The following CHD9 variants were observed in gnomAD, a reference collection of about 807,000 sequenced individuals.
CHD9 encodes chromodomain helicase DNA binding protein 9.
Under a neutral mutation model 316.1 loss-of-function variants are expected in CHD9, and 77 were observed. The observed-to-expected ratio is 0.24, with a 90% CI of 0.20 to 0.29. CHD9 has a LOEUF of 0.29. CHD9 is among the 10% of genes least tolerant of loss of function. The probability of loss-of-function intolerance (pLI) is 1.00; values close to 1 mark genes in which losing one functional copy is unlikely to be tolerated. For missense variants in CHD9, 2,763 were observed against 3,438.1 expected, an observed-to-expected ratio of 0.80 and a Z score of 4.91; for synonymous variants, 1,129 against 1,158.3, an observed-to-expected ratio of 0.97 and a Z score of 0.51.
intron 22 of CHD9, among the ~76,000 whole-genome samples, chr16:53,270,948 A>G (rs2052198126): frequency 6.6e-6 from 1 of 152,068 alleles, no homozygotes; most frequent in Non-Finnish European, 1.5e-5. Flanking sequence ...CTGACTCAAA[A>G]TTTTTTCTCT....
chr16:53,151,524 G>C (rs1242614719), intron 1 of CHD9, among the ~76,000 whole-genome samples: 3 of 151,966 alleles, frequency 2.0e-5, no homozygotes, highest in Admixed American at 6.6e-5. Context: ...CCAGAGTGCT[G>C]GGATTACAGG....
rs753998360 is a variant in CHD9 at position 53,157,358 on chromosome 16, C to T, written c.1269C>T (p.Phe423=). 5.6e-6 allele frequency: 9 copies of T among 1,613,894 alleles called. No homozygotes were observed. In the South Asian group the frequency reaches 6.6e-5, roughly 12 times the overall value. Residue 423 remains phenylalanine, a synonymous_variant, in exon 2 of 39, where the codon TTC becomes TTT. Transcript: ENST00000447540. ...TTCCTCACTTTGATGAGTCAACATT[C>T]GGACAAGATAATTCAAGTCACATTT... ...GLLPHFDEST[F]GQDNSSHILD... is the part of the protein sequence containing the mutation.
At chr16:53,172,023 C>T (rs1462807417) in intron 2 of CHD9, among the ~76,000 whole-genome samples, 1 of 151,920 alleles carries the variant, frequency 6.6e-6, no homozygotes, top group East Asian at 1.9e-4. Context: ...ATCAAATTTT[C>T]AGCTTTATGG....
At chr16:53,289,544 A>G (rs1338567363) in intron 27 of CHD9, among the ~76,000 whole-genome samples, 1 of 152,246 alleles carries the variant, frequency 6.6e-6, no homozygotes, top group African/African-American at 2.4e-5. Flanking sequence ...ATTATCCAGT[A>G]TAGCATAATG....
intron 37 of CHD9, among the ~76,000 whole-genome samples, chr16:53,318,792 A>G (rs2057067167): frequency 6.6e-6 from 1 of 152,186 alleles, no homozygotes; most frequent in African/African-American, 2.4e-5. Flanking sequence ...ACCAATTCAC[A>G]ATGTCTGTAC....
intron 2 of CHD9, among the ~76,000 whole-genome samples, chr16:53,180,711 C>T (rs972265680): frequency 3.3e-5 from 5 of 151,832 alleles, no homozygotes; most frequent in African/African-American, 7.3e-5. Context: ...CTCGCTCTGT[C>T]GCCCAGGCTG....
intron 22 of CHD9, among the ~76,000 whole-genome samples, chr16:53,271,211 A>G (rs1362166608): frequency 6.6e-6 from 1 of 152,140 alleles, no homozygotes; most frequent in African/African-American, 2.4e-5. Context: ...ACACTTAAAT[A>G]AGAGCAAAAA....
intron 17 of CHD9, 64 bp from the exon 18 acceptor site, chr16:53,254,374 A>G (rs890566141): frequency 1.6e-6 from 2 of 1,226,520 alleles, no homozygotes; most frequent in Admixed American, 4.5e-5. Context: ...TATGCCATAC[A>G]TATAGTTTAC....
chr16:53,280,881 G>A (rs1170423680), intron 24 of CHD9, among the ~76,000 whole-genome samples: 1 of 152,036 alleles, frequency 6.6e-6, no homozygotes, highest in Non-Finnish European at 1.5e-5. Context: ...ATGACCTACA[G>A]TGTGATCAAC....
intron 1 of CHD9, among the ~76,000 whole-genome samples, chr16:53,060,770 A>T (rs1353455804): frequency 6.6e-6 from 1 of 151,428 alleles, no homozygotes; most frequent in African/African-American, 2.4e-5. Context: ...AACAAACGAA[A>T]ATTAGCTGGG....
Position 53,307,951 on chromosome 16 carries a change from G to C in CHD9, c.7051G>C (p.Asp2351His), listed in dbSNP as rs888405343. The C allele has an allele frequency of 6.3e-7, 1 of 1,596,104 alleles. No individual in the cohort carries two copies. The highest frequency in any genetic ancestry group is 1.8e-5 in the Admixed American group (1 of 56,552). ...AAAGGAGTTTACAGTGAAAATCAAA[G>C]ACGTATGTGTATTTTTATTGCCCTA... ...REKEFTVKIK[D>H]EGGLKLTFQK... The change falls in exon 33 of 39, where the codon GAC (aspartate) becomes CAC (histidine). Residue 2351 changes from aspartate (D) to histidine (H), a missense_variant and splice_region_variant. Asp to His is a moderately conservative substitution (Grantham distance 81, BLOSUM62 -1). This residue lies in a region of CHD9 where 663 missense variants were observed against 751.2 expected (regional missense o/e 0.88). Transcript: ENST00000447540.
chr16:53,204,023 CAAAAAAAA>C lies in CHD9; in HGVS notation c.1453-5440_1453-5433del, dbSNP rs530552464. Among the ~76,000 whole-genome samples the C allele has an allele frequency of 1.2e-4, 6 of 48,346 alleles. 1 individual carries two copies. Among genetic ancestry groups the C allele is most frequent in the South Asian group, 1.1e-3 (1 of 924 alleles). 31.7% of individuals were successfully genotyped at this position (48,346 alleles called of 152,430 possible). ...TGGGCGACAGAGCAAGACTCCATCTCAAAAAAAAAAAAAAAAAAAAAAAAAATATATAT... is the reference window on the plus strand; with the variant it reads ...TGGGCGACAGAGCAAGACTCCATCTCAAAAAAAAAAAAAAAAAATATATAT... On this transcript the variant is annotated intron_variant, in intron 2 of 38. Coordinates refer to ENST00000447540, the MANE Select transcript of CHD9 (RefSeq NM_001308319.2).
intron 12 of CHD9, among the ~76,000 whole-genome samples, chr16:53,240,638 T>C (rs1184422905): frequency 6.6e-6 from 1 of 152,134 alleles, no homozygotes; most frequent in Non-Finnish European, 1.5e-5. Context: ...ACTTCTTTTT[T>C]TTTTACATTA....
intron 9 of CHD9, 55 bp from the exon 10 acceptor site, chr16:53,231,592 A>G: frequency 1.4e-6 from 2 of 1,409,300 alleles, no homozygotes; most frequent in Non-Finnish European, 2.0e-6. Context: ...CTCTGTTTAA[A>G]CTATTTCTTA....
At chr16:53,185,751 C>T (rs1001844782) in intron 2 of CHD9, among the ~76,000 whole-genome samples, 1 of 152,340 alleles carries the variant, frequency 6.6e-6, no homozygotes, top group South Asian at 2.1e-4. Flanking sequence ...CCCTGTGTTA[C>T]AGCCATTCCA....
chr16:53,274,480 A>T (rs928064935), intron 24 of CHD9, among the ~76,000 whole-genome samples, 178 bp downstream of exon 24: 1 of 151,896 alleles, frequency 6.6e-6, no homozygotes, highest in African/African-American at 2.4e-5. Context: ...TTTTTGAGAC[A>T]GTTTCACTCT....
chr16:53,123,699 A>G (rs2038845880), intron 1 of CHD9, among the ~76,000 whole-genome samples: 1 of 151,988 alleles, frequency 6.6e-6, no homozygotes, highest in Non-Finnish European at 1.5e-5. Context: ...ACAGGGTTTC[A>G]CTATGTTGTC....
intron 8 of CHD9, among the ~76,000 whole-genome samples, chr16:53,230,346 A>G (rs1387643186): frequency 6.6e-6 from 1 of 152,174 alleles, no homozygotes; most frequent in South Asian, 2.1e-4. Context: ...TGGGCTGGGT[A>G]TGGTGGCTCA....
intron 1 of CHD9, among the ~76,000 whole-genome samples, chr16:53,067,456 T>TA (rs1386604057): frequency 6.6e-6 from 1 of 152,192 alleles, no homozygotes; most frequent in Non-Finnish European, 1.5e-5. Flanking sequence ...TCTTTTTTTT[T>TA]ATACCAACAA....
Sources: gnomAD v4.1 joint callset for allele counts (sites outside exome capture counted in the v4.1 genomes callset) on GRCh38, gnomAD v4.1.1 for gene constraint, gnomAD v4.1.1 regional missense constraint, MANE v1.5 for transcripts, NCBI Gene and HGNC (gene_info 2026-07-23, HGNC 2026-07-21) for gene names.